SOAT1: variants seen among roughly 807,000 people sequenced by gnomAD.
SOAT1 encodes the protein sterol O-acyltransferase 1, also known as acyl-coenzyme A:cholesterol acyltransferase 1.
A neutral mutation model predicts 69.5 loss-of-function variants in SOAT1; 55 were observed. The ratio of observed to expected loss-of-function variants is 0.79; its 90% CI spans 0.64 to 0.99. The LOEUF (loss-of-function observed/expected upper bound fraction) is 0.99, where lower values mean the gene tolerates loss of function less well. Ranked by LOEUF, SOAT1 falls within the 50% of genes least tolerant of loss-of-function variation. The pLI, the probability that SOAT1 is intolerant of heterozygous loss-of-function variation, is 0.00. For synonymous variants in SOAT1, 231 were observed against 224.7 expected (o/e 1.03, Z -0.25); for missense variants, 580 against 669.3 (o/e 0.87, Z 1.47).
At chr1:179,321,337 T>C (rs1424746754) in intron 2 of SOAT1, among the ~76,000 whole-genome samples, 1 of 152,148 alleles carries the variant, frequency 6.6e-6, no homozygotes, top group Non-Finnish European at 1.5e-5. Context: ...ATTGTATTTT[T>C]AAAAACATTT....
chr1:179,350,926 AAC>A (rs1666701110), intron 14 of SOAT1, among the ~76,000 whole-genome samples: 1 of 152,208 alleles, frequency 6.6e-6, no homozygotes, highest in Non-Finnish European at 1.5e-5. Flanking sequence ...AAAATATATA[AAC>A]AGTTGTTGCT....
Position 179,341,124 on chromosome 1 carries a change from T to C in SOAT1, c.594T>C (p.Val198=), listed in dbSNP as rs751712892. The C allele has an allele frequency of 6.2e-7, 1 of 1,614,110 alleles. No homozygotes were observed. Among genetic ancestry groups the C allele is most frequent in the South Asian group, 1.1e-5 (1 of 91,088 alleles). The part of the protein sequence containing the change: ...WWIMFLSTFS[V]PYFLFQHWAT... ...TCATGTTCCTGTCTACATTTTCAGT[T>C]CCCTATTTTCTGTTTCAACATTGGG... The change falls in exon 7 of 16, where the codon GTT becomes GTC. Residue 198 remains valine, a synonymous_variant. Transcript: ENST00000367619.
chr1:179,335,533 G>A lies in SOAT1; in HGVS notation c.205G>A (p.Val69Ile), dbSNP rs377234175. The change falls in exon 4 of 16, where the codon GTT becomes ATT. Residue 69 changes from valine to isoleucine, a missense_variant. Transcript: ENST00000367619. Reference protein sequence around the residue: ...EELKPFFMKEVGSHFDDFVTN... With the variant: ...EELKPFFMKEIGSHFDDFVTN... ...ATTGAAGCCATTTTTTATGAAGGAAGTTGGCAGTCACTTTGATGATTTTGT... is the reference window on the plus strand; with the variant it reads ...ATTGAAGCCATTTTTTATGAAGGAAATTGGCAGTCACTTTGATGATTTTGT... 2.5e-6 allele frequency: 4 copies of A among 1,610,914 alleles called. No individual in the cohort carries two copies. The highest frequency in any genetic ancestry group is 1.3e-5 in the African/African-American group (1 of 74,790).
At chr1:179,351,721 A>ATTTTTTTTTTTTTTTTTTTTTTTTTT (rs71901753) in intron 15 of SOAT1, among the ~76,000 whole-genome samples, 25 of 106,442 alleles carry the variant, frequency 2.3e-4, no homozygotes, top group African/African-American at 3.6e-4. Context: ...GCCCCTTCTA[A>ATTTTTTTTTTTTTTTTTTTTTTTTTT]TTTTTTTTTT....
rs1357823293 is a variant in SOAT1 at position 179,357,486 on chromosome 1, C to G, written c.*3845C>G. ...ATAGTGCTGGGATTATAGGCATGAG[C>G]CATGCTCCCGGCCAAAGTGAATGTT... is the stretch of plus-strand genomic sequence containing the variant. On this transcript the variant is annotated 3_prime_UTR_variant, in exon 16 of 16. Transcript: ENST00000367619. 3 of 152,248 alleles carry G rather than the reference C, an allele frequency of 2.0e-5. No individual in the cohort carries two copies. The highest frequency in any genetic ancestry group is 4.4e-5 in the Non-Finnish European group (3 of 68,084). The allele number at this position is 152,248 out of a possible 1,614,324, so 9.4% of individuals were successfully genotyped here.
At chr1:179,341,402 A>C in intron 7 of SOAT1, 92 bp downstream of exon 7, 1 of 1,260,574 alleles carries the variant, frequency 7.9e-7, no homozygotes, top group Non-Finnish European at 1.1e-6. Context: ...TTTTAGCTGT[A>C]TTAACTTGGA....
intron 2 of SOAT1, among the ~76,000 whole-genome samples, chr1:179,305,450 A>G (rs560040848): frequency 6.6e-6 from 1 of 151,326 alleles, no homozygotes; most frequent in South Asian, 2.1e-4. Context: ...ATTTCATTGT[A>G]TAGGTATGAT....
chr1:179,337,904 T>C lies in SOAT1; in HGVS notation c.389+8T>C. ...AAGGCGCTCTCTCTTAGAGTGAGTATTTTTAGTTGTTTTTAAATATGTTTG... is the reference window on the plus strand; with the variant it reads ...AAGGCGCTCTCTCTTAGAGTGAGTACTTTTAGTTGTTTTTAAATATGTTTG... On this transcript the variant is annotated splice_region_variant and intron_variant, in intron 5 of 15. Transcript: ENST00000367619. 1.3e-6 allele frequency: 2 copies of C among 1,573,344 alleles called. No homozygotes were observed. The highest frequency in any genetic ancestry group is 1.7e-6 in the Non-Finnish European group (2 of 1,155,880).
In SOAT1 at chr1:179,342,120, T is replaced by C. The variant is rs202007462; in HGVS notation, c.787T>C (p.Phe263Leu). The C allele has an allele frequency of 5.6e-6, 9 of 1,613,766 alleles. No individual in the cohort carries two copies. Among genetic ancestry groups the C allele is most frequent in the Non-Finnish European group, 7.6e-6 (9 of 1,179,780 alleles). The stretch of plus-strand genomic sequence containing the variant: ...TTTCCTCCTGCTTTTGTAGATTCGT[T>C]TTGTAATGAAGGCCCACTCATTTGT... ...RFIIIFEQIR[F>L]VMKAHSFVRE... The change falls in exon 8 of 16, where the codon TTT (phenylalanine) becomes CTT (leucine). Residue 263 changes from phenylalanine (F) to leucine (L), a missense_variant. Transcript: ENST00000367619.
intron 2 of SOAT1, among the ~76,000 whole-genome samples, chr1:179,306,830 C>CAGAAAA (rs1553243339): frequency 4.1e-5 from 4 of 96,616 alleles, no homozygotes; most frequent in Admixed American, 1.1e-4. Flanking sequence ...GACTCCATCT[C>CAGAAAA]AAAAAAAAAA....
intron 7 of SOAT1, 26 bp downstream of exon 7, chr1:179,341,336 C>T (rs369329354): frequency 1.3e-5 from 20 of 1,598,144 alleles, no homozygotes; most frequent in South Asian, 2.2e-5. Context: ...TTACCCAAGG[C>T]GATGCTGTCC....
At chr1:179,342,078 C>T in intron 7 of SOAT1, 36 bp from the exon 8 acceptor site, 2 of 1,612,290 alleles carry the variant, frequency 1.2e-6, no homozygotes. Flanking sequence ...AGGAGACTTT[C>T]TTTGAAGAGA....
intron 2 of SOAT1, among the ~76,000 whole-genome samples, chr1:179,308,333 G>C (rs2124943224): frequency 6.6e-6 from 1 of 152,114 alleles, no homozygotes; most frequent in Non-Finnish European, 1.5e-5. Context: ...ATACAGATGT[G>C]GTGATAAAAG....
intron 5 of SOAT1, among the ~76,000 whole-genome samples, chr1:179,339,229 G>A (rs1166275911): frequency 6.6e-6 from 1 of 152,096 alleles, no homozygotes; most frequent in Non-Finnish European, 1.5e-5. Context: ...TTTGTTTCCT[G>A]TTTTTAGTGA....
chr1:179,327,523 G>C (rs1009244243), intron 3 of SOAT1, among the ~76,000 whole-genome samples: 20 of 152,170 alleles, frequency 1.3e-4, no homozygotes, highest in Non-Finnish European at 2.4e-4. Flanking sequence ...GCTCCACAGA[G>C]CTAGAGTTGT....
intron 3 of SOAT1, among the ~76,000 whole-genome samples, chr1:179,333,076 C>T (rs528977898): frequency 6.6e-6 from 1 of 152,252 alleles, no homozygotes; most frequent in Non-Finnish European, 1.5e-5. Flanking sequence ...GTTTAGTTAC[C>T]TTTTAACAAT....
At chr1:179,335,681 A>T in intron 4 of SOAT1, 24 bp downstream of exon 4, 2 of 1,602,310 alleles carry the variant, frequency 1.2e-6, no homozygotes, top group Non-Finnish European at 1.7e-6. Context: ...ATTTTCTTTT[A>T]ATGCAAACAT....
At chr1:179,329,513 T>G (rs1328956729) in intron 3 of SOAT1, among the ~76,000 whole-genome samples, 1 of 151,984 alleles carries the variant, frequency 6.6e-6, no homozygotes, top group African/African-American at 2.4e-5. Flanking sequence ...ATCACATGAG[T>G]TCGAGACCAG....
At chr1:179,320,143 G>T (rs1446590003) in intron 2 of SOAT1, among the ~76,000 whole-genome samples, 1 of 151,976 alleles carries the variant, frequency 6.6e-6, no homozygotes, top group South Asian at 2.1e-4. Context: ...AGAAGTCATT[G>T]TCTAGTCCAA....
Sources: allele counts gnomAD v4.1 joint callset (sites outside exome capture counted in the v4.1 genomes callset), GRCh38; gene constraint gnomAD v4.1.1; transcripts MANE v1.5; gene names NCBI Gene and HGNC (gene_info 2026-07-23, HGNC 2026-07-21).